ZNF492: variants seen among roughly 807,000 people sequenced by gnomAD.
ZNF492 encodes the protein zinc finger protein 492.
In ZNF492, 3 loss-of-function variants were observed where a neutral mutation model predicts 6.4. That is an observed-to-expected ratio of 0.47 (90% CI 0.21 to 1.22). ZNF492 has a LOEUF of 1.22. Ranked by LOEUF, ZNF492 falls within the 50% of genes most tolerant of loss-of-function variation. The pLI, the probability that ZNF492 is intolerant of heterozygous loss-of-function variation, is 0.22. For missense variants in ZNF492, 356 were observed against 612.5 expected, an observed-to-expected ratio of 0.58 and a Z score of 4.42; for synonymous variants, 112 against 205.3, an observed-to-expected ratio of 0.55 and a Z score of 3.89.
In ZNF492 at chr19:22,667,005, G is replaced by T. The variant is rs1972137001; in HGVS notation, c.*1740G>T. The T allele has an allele frequency of 6.6e-6, 1 of 152,204 alleles. No homozygotes were observed. The highest frequency in any genetic ancestry group is 2.4e-5 in the African/African-American group (1 of 41,424). The allele number at this position is 152,204 out of a possible 1,614,324, so 9.4% of individuals were successfully genotyped here. On this transcript the variant is annotated 3_prime_UTR_variant, in exon 4 of 4. Transcript: ENST00000456783. ...GCACTTTGGGAGGCAAAGGTGGGTA[G>T]ATCACCTGAGGTCGGGAGTTCAAGA...
At chr19:22,647,171 G>T (rs1191435394) in intron 1 of ZNF492, among the ~76,000 whole-genome samples, 6 of 151,842 alleles carry the variant, frequency 4.0e-5, no homozygotes, top group Admixed American at 1.3e-4. Flanking sequence ...GATTTCGGGT[G>T]TGAGCCACTG....
chr19:22,658,074 A>C (rs1308189349), intron 3 of ZNF492, among the ~76,000 whole-genome samples: 3 of 152,156 alleles, frequency 2.0e-5, no homozygotes, highest in Non-Finnish European at 4.4e-5. Context: ...ATTCTTCTAA[A>C]AAACAATTGT....
rs567840721 is a variant in ZNF492 at position 22,652,780 on chromosome 19, C to T, written c.-93-527C>T. 4.2e-3 allele frequency among the ~76,000 whole-genome samples: 633 copies of T among 152,134 alleles called. 7 individuals carry two copies. The highest frequency in any genetic ancestry group is 4.5e-3 in the East Asian group (23 of 5,140). On this transcript the variant is annotated intron_variant, in intron 1 of 3. Transcript: ENST00000456783. ...ATTTTTAGTAGAGACAGGGTTTCAC[C>T]GTGTTAGCCAGGATAGTCTCGGTCT...
intron 3 of ZNF492, among the ~76,000 whole-genome samples, chr19:22,659,664 G>GTTTT (rs1568356633): frequency 1.6e-5 from 2 of 126,932 alleles, no homozygotes; most frequent in African/African-American, 3.1e-5. Context: ...GTTTTTTTTT[G>GTTTT]TTGTTTTTTT....
intron 3 of ZNF492, among the ~76,000 whole-genome samples, chr19:22,656,114 C>T (rs1456210553): frequency 2.8e-5 from 4 of 144,656 alleles, no homozygotes; most frequent in Admixed American, 6.8e-5. Context: ...TGAGCCACCG[C>T]GCCTGGCCCT....
intron 1 of ZNF492, among the ~76,000 whole-genome samples, chr19:22,651,262 A>C (rs1020607969): frequency 1.3e-5 from 2 of 151,462 alleles, no homozygotes; most frequent in African/African-American, 4.9e-5. Flanking sequence ...GAGAACCTGG[A>C]TACCTCAGGT....
chr19:22,664,010 A>G lies in ZNF492; in HGVS notation c.341A>G (p.Gln114Arg). 1 of 1,609,926 alleles carries G rather than the reference A, an allele frequency of 6.2e-7. No individual in the cohort carries two copies. Among genetic ancestry groups the G allele is most frequent in the Non-Finnish European group, 8.5e-7 (1 of 1,177,816 alleles). Residue 114 changes from glutamine (Q) to arginine (R), a missense_variant, in exon 4 of 4, where the codon CAA becomes CGA. Physicochemically the swap from Gln to Arg is conservative, Grantham distance 43. This residue lies in a region of ZNF492 where 196 missense variants were observed against 219.4 expected (regional missense o/e 0.89). Transcript: ENST00000456783. ...ACGACTACCCAGAACAAAATATTTC[A>G]ATGTGACAAATATGTGAAAGTCTTT... ...CLTTTQNKIF[Q>R]CDKYVKVFHK... is the part of the protein sequence containing the mutation.
chr19:22,636,794 C>T (rs374137516), intron 1 of ZNF492, among the ~76,000 whole-genome samples: 10 of 149,372 alleles, frequency 6.7e-5, no homozygotes, highest in East Asian at 6.0e-4. Flanking sequence ...CCACCACGCC[C>T]AGCTAATTTT....
intron 1 of ZNF492, among the ~76,000 whole-genome samples, chr19:22,639,269 ATATTT>A (rs1393705868): frequency 6.6e-6 from 1 of 151,960 alleles, no homozygotes; most frequent in Non-Finnish European, 1.5e-5. Context: ...GTATTTCTAG[ATATTT>A]TATTCTCTTT....
chr19:22,648,776 ATTTCTGC>A (rs1971910151), intron 1 of ZNF492, among the ~76,000 whole-genome samples: 5 of 152,020 alleles, frequency 3.3e-5, no homozygotes, highest in African/African-American at 9.7e-5. Context: ...TCCCCTGCTT[ATTTCTGC>A]TTTCCATTTG....
chr19:22,650,823 C>G (rs1971932308), intron 1 of ZNF492, among the ~76,000 whole-genome samples: 1 of 152,264 alleles, frequency 6.6e-6, no homozygotes, highest in African/African-American at 2.4e-5. Flanking sequence ...CCGCCCTTCC[C>G]CTGCCCAGGG....
chr19:22,653,452 T>C lies in ZNF492; in HGVS notation c.34+19T>C. ...TTCGTGGGTGAGGATAACTTCAATA[T>C]ACAATTCCCTAATATACCCTATAAA... On this transcript the variant is annotated intron_variant, in intron 2 of 3. Coordinates refer to ENST00000456783, the MANE Select transcript of ZNF492 (RefSeq NM_020855.3). 1 of 1,611,156 alleles carries C rather than the reference T, an allele frequency of 6.2e-7. No homozygotes were observed. Among genetic ancestry groups the C allele is most frequent in the Non-Finnish European group, 8.5e-7 (1 of 1,179,478 alleles).
intron 3 of ZNF492, among the ~76,000 whole-genome samples, chr19:22,655,294 C>T (rs1157373697): frequency 1.4e-5 from 2 of 138,610 alleles, no homozygotes; most frequent in Non-Finnish European, 3.2e-5. Flanking sequence ...AACTCCATCT[C>T]AAAAAAAAAA....
At chr19:22,652,220 G>GTTTTTTTTTTTTTTTT (rs1568354727) in intron 1 of ZNF492, among the ~76,000 whole-genome samples, 1 of 107,632 alleles carries the variant, frequency 9.3e-6, no homozygotes, top group African/African-American at 6.0e-5. Flanking sequence ...CCTTTCTTAG[G>GTTTTTTTTTTTTTTTT]CTTTTTTTTT....
chr19:22,657,645 CATT>C (rs200031909), intron 3 of ZNF492, among the ~76,000 whole-genome samples: 28,990 of 151,666 alleles, frequency 0.19, 3,632 homozygotes, highest in African/African-American at 0.36. Context: ...TATGAGTAAA[CATT>C]TATTATTATT....
rs149237529 is a variant in ZNF492, at chr19:22,658,236, C to T, written c.130+4221C>T. 1.2e-3 allele frequency among the ~76,000 whole-genome samples: 176 copies of T among 151,996 alleles called. 1 individual carries two copies. In the East Asian group the frequency reaches 0.033, roughly 29 times the overall value. ...AAAAGCTTGAGAACATCCTGGAAGA[C>T]ATATGGAAACCTCATCTCTGTAAAG... is the stretch of plus-strand genomic sequence containing the variant. On this transcript the variant is annotated intron_variant, in intron 3 of 3. Transcript: ENST00000456783.
intron 1 of ZNF492, among the ~76,000 whole-genome samples, chr19:22,645,243 C>T (rs1482724871): frequency 6.6e-6 from 1 of 152,064 alleles, no homozygotes; most frequent in African/African-American, 2.4e-5. Context: ...GATGGGGTTT[C>T]ACCATATTGG....
intron 1 of ZNF492, among the ~76,000 whole-genome samples, chr19:22,647,082 A>G (rs1209259983): frequency 1.3e-5 from 2 of 148,524 alleles, no homozygotes; most frequent in African/African-American, 2.5e-5. Flanking sequence ...GTAGAGACGA[A>G]GTTTCTCCAT....
At chr19:22,652,994 A>G (rs569660669) in intron 1 of ZNF492, among the ~76,000 whole-genome samples, 3 of 151,834 alleles carry the variant, frequency 2.0e-5, no homozygotes, top group East Asian at 3.9e-4. Flanking sequence ...AATTTACACA[A>G]CTTATTCTGT....
Sources: allele counts gnomAD v4.1 joint callset (sites outside exome capture counted in the v4.1 genomes callset), GRCh38; gene constraint gnomAD v4.1.1; regional missense constraint gnomAD v4.1.1; transcripts MANE v1.5; gene names NCBI Gene and HGNC (gene_info 2026-07-23, HGNC 2026-07-21).